Variants in FBXO11 observed in about 807,000 individuals in gnomAD.
The protein encoded by FBXO11 is F-box protein 11.
In FBXO11, 13 loss-of-function variants were observed where a neutral mutation model predicts 117.0. The observed-to-expected ratio is 0.11, with a 90% confidence interval of 0.07 to 0.18. FBXO11 has a LOEUF of 0.18. Ranked by LOEUF, FBXO11 falls within the 10% of genes least tolerant of loss-of-function variation. The probability of loss-of-function intolerance (pLI) is 1.00; values close to 1 mark genes in which losing one functional copy is unlikely to be tolerated. For missense variants in FBXO11, 767 were observed against 1,164.4 expected (o/e 0.66, Z 4.97); for synonymous variants, 490 against 380.5 (o/e 1.29, Z -3.35).
intron 19 of FBXO11, chr2:47,809,984 C>G (rs778079943): frequency 6.1e-6 from 3 of 489,806 alleles, no homozygotes; most frequent in South Asian, 6.5e-5. Flanking sequence ...TTTAACATCT[C>G]TTTTTCTGTT....
intron 1 of FBXO11, among the ~76,000 whole-genome samples, chr2:47,848,475 G>A (rs1391635256): frequency 1.3e-5 from 2 of 152,196 alleles, no homozygotes; most frequent in African/African-American, 4.8e-5. Context: ...TGAGTCCGTG[G>A]AAAAACTGTC....
intron 1 of FBXO11, among the ~76,000 whole-genome samples, chr2:47,900,420 C>T (rs147234568): frequency 1.7e-3 from 253 of 152,108 alleles, no homozygotes; most frequent in Middle Eastern, 0.014. Context: ...GTTAAAATAT[C>T]ACATGCTAGA....
intron 1 of FBXO11, among the ~76,000 whole-genome samples, chr2:47,877,716 G>T (rs1418490194): frequency 6.6e-6 from 1 of 152,070 alleles, no homozygotes; most frequent in East Asian, 1.9e-4. Flanking sequence ...ATGGAGTCTC[G>T]CTTTGTCGCC....
chr2:47,891,518 T>G lies in FBXO11; in HGVS notation c.232+13971A>C, dbSNP rs113172947. ...CACATTTTCTTTATTTCTTCATCTG[T>G]CAATGGACATGTTGTGGGCTGTTTC... On this transcript the variant is annotated intron_variant, in intron 1 of 22. Transcript: ENST00000403359. 9.0e-3 allele frequency among the ~76,000 whole-genome samples: 1,367 copies of G among 152,358 alleles called. 8 individuals carry two copies. The highest frequency in any genetic ancestry group is 0.014 in the Middle Eastern group (4 of 294).
At chr2:47,822,068 A>G in intron 13 of FBXO11, 150 bp downstream of exon 13, 1 of 611,696 alleles carries the variant, frequency 1.6e-6, no homozygotes, top group Non-Finnish European at 2.9e-6. Context: ...TCTGCACAAG[A>G]GAGTAAGACC....
chr2:47,807,581 AAGTAC>A lies in FBXO11; in HGVS notation c.*532_*536del, dbSNP rs1486664780. 3 of 217,148 alleles carry A rather than the reference AAGTAC, an allele frequency of 1.4e-5. No individual in the cohort carries two copies. Among genetic ancestry groups the A allele is most frequent in the Non-Finnish European group, 2.8e-5 (3 of 107,728 alleles). The allele number at this position is 217,148 out of a possible 1,614,324, so 13.5% of individuals were successfully genotyped here. On this transcript the variant is annotated 3_prime_UTR_variant, in exon 23 of 23. Transcript: ENST00000403359. Reference sequence around the variant, plus strand: ...TGTGCTAACAAAACAGGGCACATTCAAGTACAGTAAGATTTTGCTTGAAATTAAAA... The same window carrying A: ...TGTGCTAACAAAACAGGGCACATTCAAGTAAGATTTTGCTTGAAATTAAAA...
chr2:47,845,207 A>G (rs1673314880), intron 1 of FBXO11, among the ~76,000 whole-genome samples: 1 of 151,440 alleles, frequency 6.6e-6, no homozygotes, highest in African/African-American at 2.4e-5. Context: ...TAAAGACTGA[A>G]AAGTAAGGAA....
In FBXO11 at chr2:47,807,121, A is replaced by G; in HGVS notation, c.*997T>C. The G allele has an allele frequency of 2.1e-6, 1 of 472,818 alleles. No homozygotes were observed. The highest frequency in any genetic ancestry group is 3.8e-6 in the Non-Finnish European group (1 of 264,624). The allele number at this position is 472,818 out of a possible 1,614,324, so 29.3% of individuals were successfully genotyped here. ...TGTCACCAATACACATAAATGGGGGAGGAAAAGCTATGAAACTGTATAGGG... is the reference window on the plus strand; with the variant it reads ...TGTCACCAATACACATAAATGGGGGGGGAAAAGCTATGAAACTGTATAGGG... On this transcript the variant is annotated 3_prime_UTR_variant, in exon 23 of 23. Transcript: ENST00000403359.
intron 1 of FBXO11, among the ~76,000 whole-genome samples, chr2:47,855,700 T>A (rs1358446557): frequency 6.6e-6 from 1 of 152,002 alleles, no homozygotes. Flanking sequence ...GGCATGGTGG[T>A]GCATGCCTAT....
At chr2:47,852,173 A>G (rs1292591048) in intron 1 of FBXO11, among the ~76,000 whole-genome samples, 2 of 152,094 alleles carry the variant, frequency 1.3e-5, no homozygotes, top group Non-Finnish European at 2.9e-5. Flanking sequence ...TATTTTTAGT[A>G]GAGACGGGGT....
chr2:47,808,369 ACTT>A lies in FBXO11; in HGVS notation c.2611_2613del (p.Lys871del). The A allele has an allele frequency of 6.2e-7, 1 of 1,612,504 alleles. No homozygotes were observed. Among genetic ancestry groups the A allele is most frequent in the African/African-American group, 1.3e-5 (1 of 75,024 alleles). On this transcript the variant is annotated inframe_deletion, in exon 22 of 23. Coordinates refer to ENST00000403359, the MANE Select transcript of FBXO11 (RefSeq NM_001190274.2). ...AACTCTACATCATGTCCCTGATGGC[ACTT>A]CTTAATGCAGTTCACACATATGGCA... is the stretch of plus-strand genomic sequence containing the variant.
rs2103676242 is a variant in FBXO11 at position 47,854,009 on chromosome 2, C to T, written c.233-14240G>A. Among the ~76,000 whole-genome samples the T allele has an allele frequency of 1.3e-5, 2 of 152,300 alleles. 1 individual carries two copies. On this transcript the variant is annotated intron_variant, in intron 1 of 22. Transcript: ENST00000403359. Reference sequence around the variant, plus strand: ...TGCTGACCACAGATAAAAATGAATACTGTTCCCTTTAAAGTATCAGTAGTC... The same window carrying T: ...TGCTGACCACAGATAAAAATGAATATTGTTCCCTTTAAAGTATCAGTAGTC...
At chr2:47,809,803 A>G (rs560086681) in intron 19 of FBXO11, 96 bp from the exon 20 acceptor site, 1 of 745,996 alleles carries the variant, frequency 1.3e-6, no homozygotes, top group Admixed American at 2.3e-5. Context: ...TCTTTTATAG[A>G]AGTACATTAA....
intron 1 of FBXO11, among the ~76,000 whole-genome samples, chr2:47,873,153 G>T (rs1194968127): frequency 6.6e-6 from 1 of 152,184 alleles, no homozygotes; most frequent in Non-Finnish European, 1.5e-5. Context: ...CTTCTTGAAA[G>T]GTGTAAATCT....
intron 1 of FBXO11, among the ~76,000 whole-genome samples, chr2:47,863,063 A>C (rs1391778557): frequency 7.3e-6 from 1 of 136,504 alleles, no homozygotes; most frequent in African/African-American, 2.5e-5. Context: ...CTCAAAAAAA[A>C]AAAAAAAACA....
At chr2:47,859,952 G>A (rs962348449) in intron 1 of FBXO11, among the ~76,000 whole-genome samples, 1 of 152,114 alleles carries the variant, frequency 6.6e-6, no homozygotes, top group Non-Finnish European at 1.5e-5. Flanking sequence ...AAAGTTCATA[G>A]ATTTTCCCCC....
intron 11 of FBXO11, among the ~76,000 whole-genome samples, chr2:47,831,286 C>G (rs1330371738): frequency 6.6e-6 from 1 of 151,614 alleles, no homozygotes; most frequent in Non-Finnish European, 1.5e-5. Context: ...CGTGGTGGTG[C>G]ATGCCTGTAA....
chr2:47,830,638 T>C (rs2104794236), intron 11 of FBXO11, among the ~76,000 whole-genome samples: 1 of 152,332 alleles, frequency 6.6e-6, no homozygotes, highest in East Asian at 1.9e-4. Flanking sequence ...AATGGAAATA[T>C]CTATCTATAG....
rs187747204 is a variant in FBXO11 at position 47,846,415 on chromosome 2, G to A, written c.233-6646C>T. ...CTGGAAGAAGGCGGCTGCGATGAGC[G>A]GAGATCATGCCATTGCACTCCAGCC... On this transcript the variant is annotated intron_variant, in intron 1 of 22. Transcript: ENST00000403359. Among the ~76,000 whole-genome samples the A allele has an allele frequency of 5.1e-4, 77 of 152,196 alleles. 2 individuals are homozygous for A. In the East Asian group the frequency reaches 9.1e-3, roughly 18 times the overall value.
Sources: allele counts gnomAD v4.1 joint callset (sites outside exome capture counted in the v4.1 genomes callset), GRCh38; gene constraint gnomAD v4.1.1; transcripts MANE v1.5; gene names NCBI Gene and HGNC (gene_info 2026-07-23, HGNC 2026-07-21).